MGAT5: variants seen among roughly 807,000 people sequenced by gnomAD.
The protein encoded by MGAT5 is alpha-1,6-mannosylglycoprotein 6-beta-N-acetylglucosaminyltransferase, also known as alpha-1,6-mannosylglycoprotein 6-beta-N-acetylglucosaminyltransferase A.
A neutral mutation model predicts 94.3 loss-of-function variants in MGAT5; 30 were observed. The observed-to-expected ratio is 0.32, with a 90% confidence interval of 0.24 to 0.43. The LOEUF (loss-of-function observed/expected upper bound fraction) is 0.43, where lower values mean the gene tolerates loss of function less well. Ranked by LOEUF, MGAT5 falls within the 20% of genes least tolerant of loss-of-function variation. The pLI, the probability that MGAT5 is intolerant of heterozygous loss-of-function variation, is 1.00. For missense variants in MGAT5, 691 were observed against 905.5 expected, an observed-to-expected ratio of 0.76 and a Z score of 3.04; for synonymous variants, 310 against 322.9, an observed-to-expected ratio of 0.96 and a Z score of 0.43.
intron 1 of MGAT5, among the ~76,000 whole-genome samples, chr2:134,145,935 A>G (rs1461847863): frequency 6.6e-6 from 1 of 152,226 alleles, no homozygotes; most frequent in Admixed American, 6.5e-5. Context: ...CAAAGATGAG[A>G]ACAAAATGTG....
intron 2 of MGAT5, among the ~76,000 whole-genome samples, chr2:134,312,961 C>A (rs1480826775): frequency 6.6e-6 from 1 of 151,746 alleles, no homozygotes; most frequent in African/African-American, 2.4e-5. Flanking sequence ...TCCTTTGAGA[C>A]CGCCGTACCA....
chr2:134,277,461 G>A (rs751686072), intron 2 of MGAT5, among the ~76,000 whole-genome samples: 2 of 152,082 alleles, frequency 1.3e-5, no homozygotes, highest in Non-Finnish European at 2.9e-5. Context: ...GAGCAAGGAA[G>A]TGCCACACTT....
chr2:134,120,132 G>T (rs542449100), upstream of MGAT5: 2 of 153,386 alleles, frequency 1.3e-5, no homozygotes, highest in African/African-American at 4.9e-5. Flanking sequence ...GCCGCGGCCC[G>T]CTCGGCGGCG....
In MGAT5 at chr2:134,446,696, G is replaced by C. The variant is rs1574121889; in HGVS notation, c.2028-1953G>C. On this transcript the variant is annotated intron_variant, in intron 15 of 15. Coordinates refer to ENST00000281923, the MANE Select transcript of MGAT5 (RefSeq NM_002410.5). ...TCTCCCAGCTGGCATCAAGAGCAGG[G>C]GTGGTGGGGTATTTAGGGTAGTTGC... 2.6e-5 allele frequency among the ~76,000 whole-genome samples: 4 copies of C among 152,294 alleles called. No individual in the cohort carries two copies. The East Asian group carries it at 7.7e-4, about 29-fold the overall frequency.
chr2:134,251,392 T>C (rs1410215758), upstream of MGAT5, among the ~76,000 whole-genome samples: 1 of 152,176 alleles, frequency 6.6e-6, no homozygotes, highest in Non-Finnish European at 1.5e-5. Context: ...CAGGTGCTAG[T>C]TGGCTGGCCT....
At chr2:134,331,538 G>A (rs1687974350) in intron 4 of MGAT5, among the ~76,000 whole-genome samples, 1 of 152,110 alleles carries the variant, frequency 6.6e-6, no homozygotes. Context: ...TTTTAAGACT[G>A]TCCAGTCCCT....
intron 1 of MGAT5, among the ~76,000 whole-genome samples, chr2:134,174,861 G>A (rs10496720): frequency 0.24 from 35,968 of 152,144 alleles, 4,274 homozygotes; most frequent in South Asian, 0.29. Flanking sequence ...AAGATTGTTA[G>A]CTGAGGAATG....
intron 2 of MGAT5, among the ~76,000 whole-genome samples, chr2:134,307,564 C>T (rs1686404804): frequency 1.3e-5 from 2 of 152,056 alleles, no homozygotes. Flanking sequence ...AAATTATGTT[C>T]TGAGGCTGGA....
intron 4 of MGAT5, among the ~76,000 whole-genome samples, chr2:134,322,763 G>C (rs552118969): frequency 6.6e-6 from 1 of 152,256 alleles, no homozygotes; most frequent in East Asian, 1.9e-4. Context: ...AGTTAACTCT[G>C]AAACCTGCGT....
chr2:134,441,686 G>C (rs1685493611), intron 14 of MGAT5, 72 bp from the exon 15 acceptor site: 4 of 1,537,694 alleles, frequency 2.6e-6, no homozygotes, highest in South Asian at 2.4e-5. Context: ...CCATTGCTAG[G>C]GTGGTTGGCA....
Position 134,131,317 on chromosome 2 carries a change from A to G in MGAT5, c.-143+11026A>G, listed in dbSNP as rs577393719. On this transcript the variant is annotated intron_variant, in intron 1 of 16. Transcript: ENST00000409645. ...CCAAGAACCCACCAATTCGGGCCAC[A>G]CTACTATTACAGTGGGGAAACCGAG... Among the ~76,000 whole-genome samples, 226 of 152,328 alleles carry G rather than the reference A, an allele frequency of 1.5e-3. 1 individual carries two copies. The highest frequency in any genetic ancestry group is 4.4e-3 in the African/African-American group (182 of 41,568).
chr2:134,395,832 C>T (rs976524482), intron 10 of MGAT5, among the ~76,000 whole-genome samples: 1 of 152,192 alleles, frequency 6.6e-6, no homozygotes, highest in Non-Finnish European at 1.5e-5. Context: ...GTTCTTTCTT[C>T]CTGTTCGTTC....
chr2:134,379,780 G>A (rs934573966), intron 10 of MGAT5, among the ~76,000 whole-genome samples: 4 of 152,324 alleles, frequency 2.6e-5, no homozygotes, highest in Admixed American at 2.6e-4. Flanking sequence ...CCAGTCCTAG[G>A]AGCATGAAGT....
intron 1 of MGAT5, among the ~76,000 whole-genome samples, chr2:134,173,618 C>G (rs894361536): frequency 6.6e-6 from 1 of 152,188 alleles, no homozygotes; most frequent in Non-Finnish European, 1.5e-5. Context: ...TCGCTTTCCC[C>G]CTCCAGCATG....
chr2:134,207,614 G>C (rs1680076371), intron 1 of MGAT5, among the ~76,000 whole-genome samples: 1 of 151,896 alleles, frequency 6.6e-6, no homozygotes, highest in Non-Finnish European at 1.5e-5. Context: ...GCTTACCAGA[G>C]ATACTGATCG....
At chr2:134,247,183 A>G (rs916051381) in intron 1 of MGAT5, among the ~76,000 whole-genome samples, 1 of 152,182 alleles carries the variant, frequency 6.6e-6, no homozygotes, top group Non-Finnish European at 1.5e-5. Context: ...GAGAAGTAGT[A>G]GAAATTGTTT....
intron 14 of MGAT5, among the ~76,000 whole-genome samples, chr2:134,439,264 C>T (rs1320175492): frequency 1.3e-5 from 2 of 152,212 alleles, no homozygotes; most frequent in East Asian, 3.8e-4. Context: ...GAAACTAAGG[C>T]TTCAGACTGT....
chr2:134,199,786 T>TA (rs1679683658), intron 1 of MGAT5, among the ~76,000 whole-genome samples: 1 of 152,168 alleles, frequency 6.6e-6, no homozygotes, highest in Admixed American at 6.5e-5. Context: ...AAAAGTGTTT[T>TA]GCTTGGGAAA....
At chr2:134,292,312 C>A (rs1383229987) in intron 2 of MGAT5, among the ~76,000 whole-genome samples, 1 of 151,844 alleles carries the variant, frequency 6.6e-6, no homozygotes, top group African/African-American at 2.4e-5. Flanking sequence ...TCAGTGCTGA[C>A]TCTGCTTCAC....
Sources: gnomAD v4.1 joint callset for allele counts (sites outside exome capture counted in the v4.1 genomes callset) on GRCh38, gnomAD v4.1.1 for gene constraint, MANE v1.5 for transcripts, NCBI Gene and HGNC (gene_info 2026-07-23, HGNC 2026-07-21) for gene names.